The following LRP2 variants were observed in gnomAD, a reference collection of about 807,000 sequenced individuals.
LRP2 encodes the protein low-density lipoprotein receptor-related protein 2.
Under a neutral mutation model 531.0 loss-of-function variants are expected in LRP2, and 172 were observed. The observed-to-expected ratio is 0.32, with a 90% CI of 0.29 to 0.37. The LOEUF (loss-of-function observed/expected upper bound fraction) is 0.37. LRP2 is among the 10% of genes least tolerant of loss of function. The pLI is 1.00. For missense variants in LRP2, 5,167 were observed against 5,868.3 expected, an observed-to-expected ratio of 0.88 and a Z score of 3.90; for synonymous variants, 1,992 against 2,027.6, an observed-to-expected ratio of 0.98 and a Z score of 0.47.
chr2:169,293,222 T>C (rs1291063819), intron 6 of LRP2, among the ~76,000 whole-genome samples: 2 of 152,218 alleles, frequency 1.3e-5, no homozygotes, highest in African/African-American at 2.4e-5. Context: ...CTGAACATAG[T>C]AAAACTCTTT....
At chr2:169,226,347 G>T in intron 32 of LRP2, 75 bp downstream of exon 32, 1 of 1,199,710 alleles carries the variant, frequency 8.3e-7, no homozygotes, top group Non-Finnish European at 1.2e-6. Flanking sequence ...ACAAAAGTTT[G>T]CTTATAAGAA....
At chr2:169,284,336 C>G (rs1200035451) in intron 9 of LRP2, among the ~76,000 whole-genome samples, 1 of 134,246 alleles carries the variant, frequency 7.4e-6, no homozygotes, top group Non-Finnish European at 1.5e-5. Context: ...ACAGTCTCGG[C>G]TCACTGCAAC....
rs1043034560 is a variant in LRP2 at position 169,168,531 on chromosome 2, C to T, written c.11635+8G>A. ...CACTCCCATTCACTCCGTTTCTCTC[C>T]CTCTTACAGCACAGGTGAAGTTCTT... is the stretch of plus-strand genomic sequence containing the variant. On this transcript the variant is annotated splice_region_variant and intron_variant, in intron 61 of 78. Transcript: ENST00000649046. 8.1e-6 allele frequency: 13 copies of T among 1,613,906 alleles called. No individual in the cohort carries two copies. The highest frequency in any genetic ancestry group is 1.3e-5 in the African/African-American group (1 of 74,892).
rs185737957 is a variant in LRP2, at chr2:169,136,626, C to A, written c.13620+766G>T. 6.4e-3 allele frequency among the ~76,000 whole-genome samples: 970 copies of A among 150,428 alleles called. 10 individuals are homozygous for A. The highest frequency in any genetic ancestry group is 7.5e-3 in the Non-Finnish European group (508 of 67,686). On this transcript the variant is annotated intron_variant, in intron 76 of 78. Coordinates refer to ENST00000649046, the MANE Select transcript of LRP2 (RefSeq NM_004525.3). ...CTCATCTGGCTCAAAAACTCCCCCC[C>A]ACTGAGCACCTTGTGACCCCCACTC... is the stretch of plus-strand genomic sequence containing the variant.
At chr2:169,334,715 C>T (rs371853200) in intron 1 of LRP2, among the ~76,000 whole-genome samples, 2 of 152,186 alleles carry the variant, frequency 1.3e-5, no homozygotes, top group South Asian at 4.1e-4. Flanking sequence ...ACTGAACCTT[C>T]ACTCAATAAA....
intron 34 of LRP2, among the ~76,000 whole-genome samples, chr2:169,218,337 C>T (rs772127669): frequency 7.2e-5 from 11 of 152,068 alleles, no homozygotes; most frequent in Non-Finnish European, 1.3e-4. Flanking sequence ...CTAGCTCTGC[C>T]CAGTGAAATT....
chr2:169,139,260 T>C lies in LRP2; in HGVS notation c.13379A>G (p.Lys4460Arg). The change falls in exon 74 of 79, where the codon AAG becomes AGG. Residue 4460 changes from lysine (K) to arginine (R), a missense_variant. By Grantham distance (26) the Lys-to-Arg change is conservative. Coordinates refer to ENST00000649046, the MANE Select transcript of LRP2 (RefSeq NM_004525.3). The part of the protein sequence containing the change: ...RTGSLLPALP[K>R]LPSLSSLVKP... ...CCATAATGAAACTGACCTTGGCAGC[T>C]TGGGCAGAGCAGGCAAAAGGGAGCC... The C allele has an allele frequency of 6.2e-7, 1 of 1,614,182 alleles. No homozygotes were observed. The highest frequency in any genetic ancestry group is 1.3e-5 in the African/African-American group (1 of 75,058).
intron 60 of LRP2, among the ~76,000 whole-genome samples, 188 bp from the exon 61 acceptor site, chr2:169,168,864 G>A (rs998842414): frequency 6.6e-5 from 10 of 152,212 alleles, no homozygotes; most frequent in African/African-American, 2.4e-4. Context: ...TCAGAGCCCA[G>A]TCAGTTTCCA....
At chr2:169,317,740 A>C (rs902410946) in intron 3 of LRP2, among the ~76,000 whole-genome samples, 4 of 152,222 alleles carry the variant, frequency 2.6e-5, no homozygotes, top group African/African-American at 7.2e-5. Flanking sequence ...CAAATTGCTC[A>C]TAGGTCGCCA....
At chr2:169,170,768 T>C in intron 58 of LRP2, 101 bp from the exon 59 acceptor site, 2 of 832,650 alleles carry the variant, frequency 2.4e-6, no homozygotes. Context: ...AGCACCCTCC[T>C]GTGTCCCAAG....
At position 169,243,131 on chromosome 2, in the gene LRP2, G is replaced by C. The variant is rs1689870087; in HGVS notation, c.3551-59C>G. 2.0e-5 allele frequency: 28 copies of C among 1,367,582 alleles called. No individual in the cohort carries two copies. In the South Asian group the frequency reaches 3.0e-4, roughly 15 times the overall value. The allele number at this position is 1,367,582 out of a possible 1,614,324, so 84.7% of individuals were successfully genotyped here. A position where few individuals can be genotyped will look rare whatever the true frequency, so the allele number is the denominator to read the frequency against. ...CTCAGGGCTAAAATGACTAAACACT[G>C]AGATTTTTCTTTTTTGTTGTTATAC... On this transcript the variant is annotated intron_variant, in intron 23 of 78. Transcript: ENST00000649046.
chr2:169,328,091 G>T (rs1405707103), intron 1 of LRP2, among the ~76,000 whole-genome samples: 1 of 141,482 alleles, frequency 7.1e-6, no homozygotes, highest in African/African-American at 2.7e-5. Flanking sequence ...CCAGCCAGCC[G>T]CCCTGTCCAG....
intron 49 of LRP2, among the ~76,000 whole-genome samples, chr2:169,187,301 T>C (rs1448453161): frequency 2.0e-5 from 3 of 152,214 alleles, no homozygotes; most frequent in Non-Finnish European, 4.4e-5. Context: ...TACATACTTC[T>C]GGGTCAATTA....
intron 44 of LRP2, 133 bp downstream of exon 44, chr2:169,201,495 C>T: frequency 1.6e-6 from 2 of 1,246,136 alleles, no homozygotes; most frequent in South Asian, 2.8e-5. Context: ...CCGCGCCTAG[C>T]CAAAAATTTA....
At chr2:169,222,740 GTC>G (rs904683597) in intron 33 of LRP2, among the ~76,000 whole-genome samples, 3 of 151,840 alleles carry the variant, frequency 2.0e-5, no homozygotes, top group African/African-American at 4.8e-5. Flanking sequence ...TGTGAATGTG[GTC>G]TCTCTCTCTC....
intron 63 of LRP2, among the ~76,000 whole-genome samples, chr2:169,158,539 A>T (rs1214064371): frequency 1.3e-5 from 2 of 151,984 alleles, no homozygotes; most frequent in Admixed American, 6.6e-5. Flanking sequence ...GTTAAAATAT[A>T]AAAAAATACA....
chr2:169,280,711 A>T (rs577405216), intron 10 of LRP2, among the ~76,000 whole-genome samples, 192 bp from the exon 11 acceptor site: 25 of 152,342 alleles, frequency 1.6e-4, no homozygotes, highest in African/African-American at 5.1e-4. Context: ...ATTGAGGCAC[A>T]AAAAGGCTTA....
Position 169,320,864 on chromosome 2 carries a change from G to A in LRP2, c.100C>T (p.Arg34Cys), listed in dbSNP as rs747942310. Residue 34 changes from arginine (R) to cysteine (C), a missense_variant, in exon 2 of 79, where the codon CGC becomes TGC. Arg to Cys is a radical substitution (Grantham distance 180, BLOSUM62 -3). Coordinates refer to ENST00000649046, the MANE Select transcript of LRP2 (RefSeq NM_004525.3). Reference sequence around the variant, plus strand: ...GGGATGCAATGCCCACTTCCACAGCGAAAATGCGCACTGTCACATTCTGCA... The same window carrying A: ...GGGATGCAATGCCCACTTCCACAGCAAAAATGCGCACTGTCACATTCTGCA... ...SGQECDSAHF[R>C]CGSGHCIPAD... is the part of the protein sequence containing the mutation. The A allele has an allele frequency of 1.6e-5, 26 of 1,613,484 alleles. No individual in the cohort carries two copies. Among genetic ancestry groups the A allele is most frequent in the Non-Finnish European group, 1.9e-5 (23 of 1,179,582 alleles).
intron 61 of LRP2, 124 bp downstream of exon 61, chr2:169,168,415 C>T: frequency 8.3e-7 from 1 of 1,205,524 alleles, no homozygotes; most frequent in Admixed American, 1.8e-5. Flanking sequence ...AACACCAACG[C>T]TGATCCTGTG....
Sources: allele counts gnomAD v4.1 joint callset (sites outside exome capture counted in the v4.1 genomes callset), GRCh38; gene constraint gnomAD v4.1.1; transcripts MANE v1.5; gene names NCBI Gene and HGNC (gene_info 2026-07-23, HGNC 2026-07-21).